Variants in DNM3 observed in about 807,000 individuals in gnomAD.
DNM3 encodes dynamin 3, also known as dynamin-3.
DNM3 carries 47 observed loss-of-function variants against 101.6 expected under a neutral mutation model. That is an observed-to-expected ratio of 0.46 (90% CI 0.37 to 0.59). The LOEUF (loss-of-function observed/expected upper bound fraction) is 0.59, where lower values mean the gene tolerates loss of function less well. DNM3 is among the 20% of genes least tolerant of loss of function. DNM3 has a pLI of 0.00. For synonymous variants in DNM3, 385 were observed against 387.9 expected (o/e 0.99, Z 0.09); for missense variants, 849 against 1,085.7 (o/e 0.78, Z 3.06).
chr1:172,331,406 T>A (rs1395641070), intron 17 of DNM3, among the ~76,000 whole-genome samples: 1 of 152,196 alleles, frequency 6.6e-6, no homozygotes, highest in African/African-American at 2.4e-5. Context: ...TCATTTGCCT[T>A]GAACCCATTT....
chr1:172,306,789 T>C (rs1488252390), intron 15 of DNM3, among the ~76,000 whole-genome samples: 1 of 152,222 alleles, frequency 6.6e-6, no homozygotes, highest in African/African-American at 2.4e-5. Flanking sequence ...GGATTCCCTA[T>C]TTAATAAATG....
At chr1:172,081,731 A>C in intron 11 of DNM3, 101 bp from the exon 12 acceptor site, 1 of 962,872 alleles carries the variant, frequency 1.0e-6, no homozygotes, top group Non-Finnish European at 1.6e-6. Context: ...GTATCCTTTA[A>C]AAAATTATAT....
At chr1:172,027,617 C>CACACACACACACACACACACAG (rs34981346) in intron 4 of DNM3, among the ~76,000 whole-genome samples, 2 of 147,022 alleles carry the variant, frequency 1.4e-5, no homozygotes, top group African/African-American at 5.2e-5. Flanking sequence ...CACACACACA[C>CACACACACACACACACACACAG]AGAGAGAGAG....
In DNM3 at chr1:171,860,411, A is replaced by G. The variant is rs151178806; in HGVS notation, c.161+18594A>G. The stretch of plus-strand genomic sequence containing the variant: ...GAAATTTCAAAGATTTGCTATGGAA[A>G]AGAATACAAACTGCCTTATTAATGA... On this transcript the variant is annotated intron_variant, in intron 1 of 20. Coordinates refer to ENST00000627582, the MANE Select transcript of DNM3 (RefSeq NM_015569.5). 3.1e-3 allele frequency among the ~76,000 whole-genome samples: 475 copies of G among 152,306 alleles called. 1 individual carries two copies. Among genetic ancestry groups the G allele is most frequent in the Middle Eastern group, 0.017 (5 of 294 alleles).
At chr1:172,117,269 C>T (rs570027404) in intron 13 of DNM3, among the ~76,000 whole-genome samples, 66 of 151,768 alleles carry the variant, frequency 4.3e-4, no homozygotes, top group Admixed American at 1.1e-3. Flanking sequence ...ACCAGAATGG[C>T]GGCATTTTTT....
chr1:172,223,802 T>C (rs1415894897), intron 14 of DNM3, among the ~76,000 whole-genome samples: 2 of 152,232 alleles, frequency 1.3e-5, no homozygotes, highest in East Asian at 3.8e-4. Flanking sequence ...TTCTGTCTAC[T>C]TCTGGCCATT....
At chr1:171,908,512 TC>T (rs935199806) in intron 1 of DNM3, among the ~76,000 whole-genome samples, 3 of 152,126 alleles carry the variant, frequency 2.0e-5, no homozygotes, top group African/African-American at 7.2e-5. Flanking sequence ...CTATCTTTTT[TC>T]CCCCCTAATT....
In DNM3 at chr1:171,955,200, G is replaced by A. The variant is rs370014123; in HGVS notation, c.236-32456G>A. On this transcript the variant is annotated intron_variant, in intron 2 of 20. Transcript: ENST00000627582. ...ATAGAATAGTTGCCATAAGTTTACT[G>A]CTTGCATGGCTGCATTGGCTAAATG... Among the ~76,000 whole-genome samples, 5 of 152,288 alleles carry A rather than the reference G, an allele frequency of 3.3e-5. 1 individual carries two copies. Among genetic ancestry groups the A allele is most frequent in the African/African-American group, 4.8e-5 (2 of 41,580 alleles).
chr1:171,859,693 T>C (rs185469538), intron 1 of DNM3, among the ~76,000 whole-genome samples: 2 of 152,162 alleles, frequency 1.3e-5, no homozygotes, highest in Non-Finnish European at 2.9e-5. Flanking sequence ...AATAAACAAA[T>C]AAAAATGTAT....
At chr1:171,888,297 G>A (rs1303124782) in intron 1 of DNM3, among the ~76,000 whole-genome samples, 1 of 151,880 alleles carries the variant, frequency 6.6e-6, no homozygotes. Context: ...ATAAAACCAA[G>A]GTCAAATGAA....
rs116498196 is a variant in DNM3 at position 172,102,268 on chromosome 1, C to T, written c.1545+9393C>T. On this transcript the variant is annotated intron_variant, in intron 13 of 20. Coordinates refer to ENST00000627582, the MANE Select transcript of DNM3 (RefSeq NM_015569.5). ...CTACAATGGCTATTTGAATTTGTTGCCATTTTGTTTTTTAATTCTATAAAA... is the reference window on the plus strand; with the variant it reads ...CTACAATGGCTATTTGAATTTGTTGTCATTTTGTTTTTTAATTCTATAAAA... Among the ~76,000 whole-genome samples, 1,489 of 152,078 alleles carry T rather than the reference C, an allele frequency of 9.8e-3. 25 individuals are homozygous for T. Among genetic ancestry groups the T allele is most frequent in the African/African-American group, 0.034 (1,416 of 41,474 alleles).
At chr1:172,107,839 A>G (rs1463181944) in intron 13 of DNM3, among the ~76,000 whole-genome samples, 1 of 152,256 alleles carries the variant, frequency 6.6e-6, no homozygotes, top group East Asian at 1.9e-4. Flanking sequence ...CCAAAGCACG[A>G]ATCTTTTCAC....
chr1:172,122,513 G>A (rs2056384444), intron 13 of DNM3, among the ~76,000 whole-genome samples: 1 of 152,118 alleles, frequency 6.6e-6, no homozygotes, highest in African/African-American at 2.4e-5. Flanking sequence ...CTAGGGTCCT[G>A]CCCACTATTA....
Position 172,337,790 on chromosome 1 carries a change from T to A in DNM3, c.1893+14450T>A, listed in dbSNP as rs1217297965. ...TTAAAAATGCAAACTCCTGGGCTAA[T>A]CCCAAGTCTTCTGAATTGGAATATC... On this transcript the variant is annotated intron_variant, in intron 17 of 20. Coordinates refer to ENST00000627582, the MANE Select transcript of DNM3 (RefSeq NM_015569.5). Among the ~76,000 whole-genome samples the A allele has an allele frequency of 3.9e-5, 6 of 152,124 alleles. No individual in the cohort carries two copies. The South Asian group carries it at 8.3e-4, about 21-fold the overall frequency.
intron 10 of DNM3, among the ~76,000 whole-genome samples, chr1:172,061,489 A>G (rs2051199301): frequency 6.6e-6 from 1 of 151,522 alleles, no homozygotes; most frequent in South Asian, 2.1e-4. Flanking sequence ...AAAATGTGGC[A>G]TATATACACC....
Position 172,388,604 on chromosome 1 carries a change from A to C in DNM3, c.2317A>C (p.Arg773=). ...TCCTCCAAGCCCCACAACCCAAAGG[A>C]GGCCAACACTAAGTGCTCCCCTCGC... The part of the protein sequence containing the change: ...SPPPSPTTQR[R]PTLSAPLARP... Residue 773 remains arginine, a synonymous_variant, in exon 20 of 21, where the codon AGG becomes CGG. Transcript: ENST00000627582. 2 of 1,614,018 alleles carry C rather than the reference A, an allele frequency of 1.2e-6. No homozygotes were observed. Among genetic ancestry groups the C allele is most frequent in the South Asian group, 2.2e-5 (2 of 91,082 alleles).
At chr1:172,213,504 G>A (rs1389847136) in intron 14 of DNM3, among the ~76,000 whole-genome samples, 2 of 72,468 alleles carry the variant, frequency 2.8e-5, no homozygotes, top group Non-Finnish European at 2.5e-5. Flanking sequence ...GAACAATTAA[G>A]AATCCATTGT....
chr1:171,958,047 G>C (rs543044623), intron 2 of DNM3, among the ~76,000 whole-genome samples: 4 of 152,264 alleles, frequency 2.6e-5, no homozygotes, highest in African/African-American at 9.6e-5. Flanking sequence ...AAAAGAAAGA[G>C]GTTTAATGGA....
At chr1:172,367,026 T>C (rs187293381) in intron 17 of DNM3, among the ~76,000 whole-genome samples, 7 of 151,662 alleles carry the variant, frequency 4.6e-5, no homozygotes, top group Admixed American at 3.9e-4. Flanking sequence ...TATATTAAGT[T>C]CAAAAAGGTC....
Sources: allele counts gnomAD v4.1 joint callset (sites outside exome capture counted in the v4.1 genomes callset), GRCh38; gene constraint gnomAD v4.1.1; transcripts MANE v1.5; gene names NCBI Gene and HGNC (gene_info 2026-07-23, HGNC 2026-07-21).